The following RNF180 variants were observed in gnomAD, a reference collection of about 807,000 sequenced individuals.
RNF180 encodes ring finger protein 180.
RNF180 carries 38 observed loss-of-function variants against 59.2 expected under a neutral mutation model. The ratio of observed to expected loss-of-function variants is 0.64; its 90% CI spans 0.50 to 0.84. RNF180 has a LOEUF of 0.84. Ranked by LOEUF, RNF180 falls within the 40% of genes least tolerant of loss-of-function variation. The pLI is 0.00. For missense variants in RNF180, 705 were observed against 700.9 expected (o/e 1.01, Z -0.07); for synonymous variants, 262 against 240.3 (o/e 1.09, Z -0.84).
intron 1 of RNF180, among the ~76,000 whole-genome samples, chr5:64,172,719 GTCC>G (rs992025635): frequency 2.0e-5 from 3 of 152,166 alleles, no homozygotes; most frequent in African/African-American, 7.2e-5. Flanking sequence ...GAACAAAGAG[GTCC>G]TCCGTGTATT....
chr5:64,187,369 A>G (rs933826039), intron 1 of RNF180, among the ~76,000 whole-genome samples: 1 of 152,198 alleles, frequency 6.6e-6, no homozygotes, highest in Non-Finnish European at 1.5e-5. Flanking sequence ...GAAGAAAAGT[A>G]GAAATAAGGA....
chr5:64,227,619 G>T (rs1355875791), intron 5 of RNF180, among the ~76,000 whole-genome samples: 1 of 152,138 alleles, frequency 6.6e-6, no homozygotes, highest in South Asian at 2.1e-4. Flanking sequence ...CCCGAATCTT[G>T]GTTCACATAC....
intron 1 of RNF180, 115 bp from the exon 2 acceptor site, chr5:64,200,693 T>C: frequency 1.2e-6 from 1 of 821,542 alleles, no homozygotes; most frequent in South Asian, 1.8e-5. Context: ...GGTACCTTAA[T>C]AAATGATAGT....
chr5:64,277,163 T>C (rs1356896940), intron 5 of RNF180, among the ~76,000 whole-genome samples: 2 of 101,828 alleles, frequency 2.0e-5, no homozygotes, highest in African/African-American at 3.9e-5. Flanking sequence ...CCTAATACAA[T>C]AGGATGGGTG....
At chr5:64,257,677 G>T (rs1242536228) in intron 5 of RNF180, among the ~76,000 whole-genome samples, 1 of 152,064 alleles carries the variant, frequency 6.6e-6, no homozygotes, top group Non-Finnish European at 1.5e-5. Context: ...TTTTGTGTGT[G>T]TGTCTCTGCC....
At chr5:64,203,168 T>C (rs1459339336) in intron 2 of RNF180, among the ~76,000 whole-genome samples, 1 of 152,202 alleles carries the variant, frequency 6.6e-6, no homozygotes, top group African/African-American at 2.4e-5. Flanking sequence ...AAAAATATAC[T>C]CTGGTCCTTA....
chr5:64,276,644 C>G (rs761611238), intron 5 of RNF180, among the ~76,000 whole-genome samples: 8 of 151,540 alleles, frequency 5.3e-5, no homozygotes, highest in African/African-American at 1.5e-4. Flanking sequence ...AATGGGATTT[C>G]TCACCTACCT....
At position 64,214,247 on chromosome 5, in the gene RNF180, A is replaced by G. The variant is rs775157128; in HGVS notation, c.921A>G (p.Gly307=). 4.3e-6 allele frequency: 7 copies of G among 1,614,040 alleles called. No individual in the cohort carries two copies. Among genetic ancestry groups the G allele is most frequent in the Non-Finnish European group, 5.9e-6 (7 of 1,180,004 alleles). Residue 307 remains glycine (G), a synonymous_variant, in exon 4 of 8, where the codon GGA becomes GGG. Coordinates refer to ENST00000389100, the MANE Select transcript of RNF180 (RefSeq NM_001113561.2). ...VAPHETQTQR[G]GEFQCGLEAA... is the part of the protein sequence containing the mutation. ...CCCATGAGACCCAGACACAAAGAGG[A>G]GGAGAATTTCAGTGTGGTCTAGAAG...
chr5:64,256,885 T>TTCTTCTTGAAGA (rs1744001044), intron 5 of RNF180, among the ~76,000 whole-genome samples: 1 of 152,152 alleles, frequency 6.6e-6, no homozygotes, highest in African/African-American at 2.4e-5. Context: ...CGTTGAGCAG[T>TTCTTCTTGAAGA]GGTTTGTAGT....
intron 5 of RNF180, among the ~76,000 whole-genome samples, chr5:64,251,989 G>A (rs1418522312): frequency 6.6e-6 from 1 of 152,096 alleles, no homozygotes; most frequent in African/African-American, 2.4e-5. Flanking sequence ...TGGATTTTAA[G>A]TGTCCATGCT....
chr5:64,181,773 G>C (rs908242278), intron 1 of RNF180, among the ~76,000 whole-genome samples: 1 of 152,120 alleles, frequency 6.6e-6, no homozygotes, highest in Non-Finnish European at 1.5e-5. Flanking sequence ...TGGAACAAGG[G>C]AAGATTTATT....
rs201564204 is a variant in RNF180, at chr5:64,271,773, C to CAAAT, written c.1228-53411_1228-53410insATAA. On this transcript the variant is annotated intron_variant, in intron 5 of 7. Transcript: ENST00000389100. ...GGAATTTTAGTTTTATTTAAAGAAA[C>CAAAT]AATTAGTTGGCAATCTAGAGTAGCA... Among the ~76,000 whole-genome samples the CAAAT allele has an allele frequency of 3.6e-4, 54 of 151,968 alleles. No individual in the cohort carries two copies. In the East Asian group the frequency reaches 6.4e-3, roughly 18 times the overall value.
intron 5 of RNF180, among the ~76,000 whole-genome samples, chr5:64,240,855 C>G (rs1173086232): frequency 6.6e-6 from 1 of 152,180 alleles, no homozygotes; most frequent in Non-Finnish European, 1.5e-5. Context: ...AGTGACCTAC[C>G]TACCTTACAT....
At chr5:64,362,384 C>T (rs1236000800) in intron 7 of RNF180, among the ~76,000 whole-genome samples, 1 of 151,854 alleles carries the variant, frequency 6.6e-6, no homozygotes, top group Non-Finnish European at 1.5e-5. Context: ...TAATGGCCTC[C>T]AGCCCCATCC....
At chr5:64,320,936 G>T (rs532571194) in intron 5 of RNF180, among the ~76,000 whole-genome samples, 1 of 152,264 alleles carries the variant, frequency 6.6e-6, no homozygotes, top group East Asian at 1.9e-4. Context: ...CACTCGGGAG[G>T]CTGAGGCAGG....
At chr5:64,293,481 C>T (rs768655456) in intron 5 of RNF180, among the ~76,000 whole-genome samples, 4 of 152,066 alleles carry the variant, frequency 2.6e-5, no homozygotes. Flanking sequence ...TCCTGCTTTT[C>T]ATTTTTTATG....
At chr5:64,293,251 G>A (rs1479416567) in intron 5 of RNF180, among the ~76,000 whole-genome samples, 1 of 152,122 alleles carries the variant, frequency 6.6e-6, no homozygotes, top group Non-Finnish European at 1.5e-5. Context: ...CTGCTCCTGG[G>A]GGGGCTGTTG....
rs138706265 is a variant in RNF180 at position 64,354,115 on chromosome 5, C to A, written c.1580-15500C>A. Among the ~76,000 whole-genome samples the A allele has an allele frequency of 9.0e-3, 1,356 of 151,296 alleles. 20 individuals carry two copies. Among genetic ancestry groups the A allele is most frequent in the African/African-American group, 0.031 (1,290 of 41,332 alleles). On this transcript the variant is annotated intron_variant, in intron 7 of 7. Coordinates refer to ENST00000389100, the MANE Select transcript of RNF180 (RefSeq NM_001113561.2). ...AGCTAGCAGAAGGAAGGAAATAATA[C>A]ATGATTAGAATAGGGATTAATGAAA...
chr5:64,258,227 G>A (rs1031581092), intron 5 of RNF180, among the ~76,000 whole-genome samples: 1 of 152,122 alleles, frequency 6.6e-6, no homozygotes, highest in East Asian at 1.9e-4. Flanking sequence ...TATCAAGGTA[G>A]GAAGTATGTA....
Sources: allele counts gnomAD v4.1 joint callset (sites outside exome capture counted in the v4.1 genomes callset), GRCh38; gene constraint gnomAD v4.1.1; transcripts MANE v1.5; gene names NCBI Gene and HGNC (gene_info 2026-07-23, HGNC 2026-07-21).